Variants in VKORC1L1 observed in about 807,000 individuals in gnomAD.
The protein encoded by VKORC1L1 is vitamin K epoxide reductase complex subunit 1L1.
Under a neutral mutation model 18.9 loss-of-function variants are expected in VKORC1L1, and 2 were observed. That is an observed-to-expected ratio of 0.11 (90% CI 0.04 to 0.33). The LOEUF (loss-of-function observed/expected upper bound fraction) is 0.33, where lower values mean the gene tolerates loss of function less well. VKORC1L1 is among the 10% of genes least tolerant of loss of function. VKORC1L1 has a pLI of 1.00. For missense variants in VKORC1L1, 123 were observed against 224.1 expected (o/e 0.55, Z 2.88); for synonymous variants, 96 against 100.0 (o/e 0.96, Z 0.24).
At chr7:65,913,769 T>C (rs1184734476) in intron 1 of VKORC1L1, among the ~76,000 whole-genome samples, 1 of 135,912 alleles carries the variant, frequency 7.4e-6, no homozygotes, top group Admixed American at 7.3e-5. Context: ...TGAGATGTGG[T>C]GGAATGAGAA....
chr7:65,899,475 T>C (rs1789273133), intron 1 of VKORC1L1, among the ~76,000 whole-genome samples: 1 of 152,218 alleles, frequency 6.6e-6, no homozygotes, highest in African/African-American at 2.4e-5. Flanking sequence ...TAATGTTTTT[T>C]CTCATGGATT....
intron 1 of VKORC1L1, among the ~76,000 whole-genome samples, chr7:65,880,691 G>C (rs1583821261): frequency 6.6e-6 from 1 of 152,154 alleles, no homozygotes; most frequent in Admixed American, 6.6e-5. Context: ...TCAATCATTA[G>C]GAAGAACTTG....
chr7:65,877,111 A>T (rs1272006698), intron 1 of VKORC1L1, among the ~76,000 whole-genome samples: 2 of 152,170 alleles, frequency 1.3e-5, no homozygotes, highest in Admixed American at 1.3e-4. Context: ...TGATACATGT[A>T]TGTTCCTGAA....
intron 1 of VKORC1L1, among the ~76,000 whole-genome samples, chr7:65,904,357 T>A (rs1789369246): frequency 6.6e-6 from 1 of 152,032 alleles, no homozygotes; most frequent in African/African-American, 2.4e-5. Flanking sequence ...GGGGTGTGCC[T>A]CCACACCCAG....
chr7:65,888,354 C>G (rs1789049361), intron 1 of VKORC1L1, among the ~76,000 whole-genome samples: 1 of 152,094 alleles, frequency 6.6e-6, no homozygotes, highest in Non-Finnish European at 1.5e-5. Flanking sequence ...TGGAATGAAC[C>G]CAGCTGGTTC....
the VKORC1L1 span, among the ~76,000 whole-genome samples, chr7:65,866,709 AGGCTGGCCTG>A: frequency 6.6e-6 from 1 of 152,150 alleles, no homozygotes; most frequent in African/African-American, 2.4e-5. Context: ...CAAAAGGTTG[AGGCTGGCCTG>A]AGTGACATAG....
chr7:65,888,803 G>T (rs1324114386), intron 1 of VKORC1L1, among the ~76,000 whole-genome samples: 1 of 152,148 alleles, frequency 6.6e-6, no homozygotes, highest in Non-Finnish European at 1.5e-5. Context: ...TGAGAATTAG[G>T]AGAAAGAAGA....
chr7:65,895,702 T>C (rs949351445), intron 1 of VKORC1L1, among the ~76,000 whole-genome samples: 9 of 151,238 alleles, frequency 6.0e-5, no homozygotes, highest in African/African-American at 2.2e-4. Context: ...AAAGTGTATG[T>C]TGAAGCCAAA....
At position 65,957,657 on chromosome 7, in the gene VKORC1L1, AC is replaced by A. The variant is rs1341676662; in HGVS notation, c.*3360del. Reference sequence around the variant, plus strand: ...AGATCAGCCTGACCGACATAGTGGAACCCTGTCTTTACTAAAAATACAAAAA... The same window carrying A: ...AGATCAGCCTGACCGACATAGTGGAACCTGTCTTTACTAAAAATACAAAAA... On this transcript the variant is annotated 3_prime_UTR_variant, in exon 3 of 3. Transcript: ENST00000360768. The A allele has an allele frequency of 6.6e-6, 1 of 152,066 alleles. No homozygotes were observed. The highest frequency in any genetic ancestry group is 2.4e-5 in the African/African-American group (1 of 41,382). 9.4% of individuals were successfully genotyped at this position (152,066 alleles called of 1,614,324 possible).
chr7:65,944,617 T>G (rs1583865225), intron 1 of VKORC1L1, among the ~76,000 whole-genome samples: 2 of 152,080 alleles, frequency 1.3e-5, no homozygotes, highest in African/African-American at 4.8e-5. Context: ...TTTTTTTTTT[T>G]AAGAAAAAGC....
intron 1 of VKORC1L1, among the ~76,000 whole-genome samples, chr7:65,942,407 G>A (rs1038323183): frequency 6.8e-6 from 1 of 147,632 alleles, no homozygotes; most frequent in Non-Finnish European, 1.5e-5. Flanking sequence ...CAGGAAAATG[G>A]CATGAACCCG....
intron 1 of VKORC1L1, among the ~76,000 whole-genome samples, chr7:65,899,859 G>A (rs1172551136): frequency 6.6e-6 from 1 of 152,032 alleles, no homozygotes; most frequent in Non-Finnish European, 1.5e-5. Context: ...AATTAGCCAG[G>A]CGTGGTGGTA....
chr7:65,886,631 G>C (rs1415651690), intron 1 of VKORC1L1, among the ~76,000 whole-genome samples: 5 of 151,744 alleles, frequency 3.3e-5, no homozygotes, highest in African/African-American at 1.2e-4. Flanking sequence ...TCCGCCTCCC[G>C]AGTTCACGCC....
At chr7:65,916,215 T>C (rs1789587292) in intron 1 of VKORC1L1, among the ~76,000 whole-genome samples, 1 of 152,122 alleles carries the variant, frequency 6.6e-6, no homozygotes. Flanking sequence ...GCCTGGTTTT[T>C]TTCTCTTTAT....
chr7:65,871,070 G>A (rs574313280), upstream of VKORC1L1, among the ~76,000 whole-genome samples: 31 of 152,290 alleles, frequency 2.0e-4, no homozygotes, highest in African/African-American at 6.3e-4. Context: ...CACCCCACCT[G>A]GGCAGAGCAA....
intron 1 of VKORC1L1, among the ~76,000 whole-genome samples, chr7:65,917,473 G>A (rs531488143): frequency 6.6e-6 from 1 of 152,238 alleles, no homozygotes; most frequent in Admixed American, 6.5e-5. Context: ...GTAACCTGCA[G>A]TTTGCCAGAC....
At chr7:65,888,244 A>C (rs1160125696) in intron 1 of VKORC1L1, among the ~76,000 whole-genome samples, 3 of 152,200 alleles carry the variant, frequency 2.0e-5, no homozygotes, top group Non-Finnish European at 4.4e-5. Context: ...CCCTGGGAGA[A>C]ATACTTATAT....
Position 65,956,513 on chromosome 7 carries a change from C to G in VKORC1L1, c.*2213C>G, listed in dbSNP as rs1790297348. The G allele has an allele frequency of 6.6e-6, 1 of 152,222 alleles. No homozygotes were observed. Among genetic ancestry groups the G allele is most frequent in the South Asian group, 2.1e-4 (1 of 4,832 alleles). 9.4% of individuals were successfully genotyped at this position (152,222 alleles called of 1,614,324 possible). A position where few individuals can be genotyped will look rare whatever the true frequency, so the allele number is the denominator to read the frequency against. ...CCCTTCCAGTTTTTCCTTTGCTTTT[C>G]TAAGCCTCGGGGAAACCACTGTTTC... On this transcript the variant is annotated 3_prime_UTR_variant, in exon 3 of 3. Coordinates refer to ENST00000360768, the MANE Select transcript of VKORC1L1 (RefSeq NM_173517.6).
intron 1 of VKORC1L1, among the ~76,000 whole-genome samples, chr7:65,911,990 A>T (rs1789509743): frequency 6.6e-6 from 1 of 152,142 alleles, no homozygotes; most frequent in Non-Finnish European, 1.5e-5. Flanking sequence ...ATTACCCACT[A>T]TTGACATATA....
Sources: allele counts gnomAD v4.1 joint callset (sites outside exome capture counted in the v4.1 genomes callset), GRCh38; gene constraint gnomAD v4.1.1; transcripts MANE v1.5; gene names NCBI Gene and HGNC (gene_info 2026-07-23, HGNC 2026-07-21).